Variants in GRK7 observed in about 807,000 individuals in gnomAD.
GRK7 encodes the protein rhodopsin kinase GRK7.
A neutral mutation model predicts 34.1 loss-of-function variants in GRK7; 24 were observed. The ratio of observed to expected loss-of-function variants is 0.70; its 90% CI spans 0.51 to 0.99. The LOEUF (loss-of-function observed/expected upper bound fraction) is 0.99. Ranked by LOEUF, GRK7 falls within the 50% of genes least tolerant of loss-of-function variation. GRK7 has a pLI of 0.00. For missense variants in GRK7, 644 were observed against 707.3 expected, an observed-to-expected ratio of 0.91 and a Z score of 1.02; for synonymous variants, 256 against 279.4, an observed-to-expected ratio of 0.92 and a Z score of 0.84.
intron 4 of GRK7, among the ~76,000 whole-genome samples, chr3:141,789,656 C>CAAGAAAAAAAAAAAAAAA (rs2084713774): frequency 8.4e-6 from 1 of 119,232 alleles, no homozygotes; most frequent in African/African-American, 3.5e-5. Flanking sequence ...GCCAAATGGG[C>CAAGAAAAAAAAAAAAAAA]AAAAAAAAAA....
chr3:141,801,375 G>A (rs1218683929), intron 4 of GRK7, among the ~76,000 whole-genome samples: 1 of 150,328 alleles, frequency 6.7e-6, no homozygotes, highest in Non-Finnish European at 1.5e-5. Context: ...TGACACCACA[G>A]GAATGCAGTC....
At chr3:141,790,004 T>G (rs2084716104) in intron 4 of GRK7, among the ~76,000 whole-genome samples, 1 of 152,158 alleles carries the variant, frequency 6.6e-6, no homozygotes, top group Admixed American at 6.5e-5. Flanking sequence ...CCTTATGTTT[T>G]TTTGTTTGTT....
In GRK7 at chr3:141,769,186, C is replaced by G. The variant is rs140123424; in HGVS notation, c.-215+3448C>G. Reference sequence around the variant, plus strand: ...AATTCTGCATGTTCCAAACTGAACACCTTCTTCCAGGTTTTCCCTGTCTTG... The same window carrying G: ...AATTCTGCATGTTCCAAACTGAACAGCTTCTTCCAGGTTTTCCCTGTCTTG... On this transcript the variant is annotated intron_variant, in intron 1 of 5. Coordinates refer to ENST00000682958, the MANE Select transcript of GRK7 (RefSeq NM_139209.3). 4.2e-3 allele frequency among the ~76,000 whole-genome samples: 640 copies of G among 152,280 alleles called. 9 individuals are homozygous for G. The highest frequency in any genetic ancestry group is 0.015 in the African/African-American group (615 of 41,546).
intron 4 of GRK7, among the ~76,000 whole-genome samples, chr3:141,781,949 TAC>T (rs970045458): frequency 1.3e-5 from 2 of 152,186 alleles, no homozygotes; most frequent in Non-Finnish European, 2.9e-5. Context: ...CTCATTTTTG[TAC>T]AGTTTTCAGC....
intron 4 of GRK7, among the ~76,000 whole-genome samples, chr3:141,795,643 C>T (rs934334313): frequency 1.3e-5 from 2 of 152,042 alleles, no homozygotes; most frequent in Non-Finnish European, 2.9e-5. Context: ...AGGGAAGTGA[C>T]AAAATCAATC....
In GRK7 at chr3:141,778,260, C is replaced by A. The variant is rs1345729555; in HGVS notation, c.-25C>A. The A allele has an allele frequency of 2.0e-6, 3 of 1,534,386 alleles. No homozygotes were observed. The highest frequency in any genetic ancestry group is 2.6e-6 in the Non-Finnish European group (3 of 1,140,452). On this transcript the variant is annotated 5_prime_UTR_variant, in exon 3 of 6. It adds an upstream start codon to the 5' untranslated region. Transcript: ENST00000682958. This position sits in a 1 kb window ranked among gnomAD's most constrained non-coding sequence, Gnocchi z 4.1. ...GCCCTCCAGCCCTCTTGTGCTTTCC[C>A]TGGGAGTGCGCCCCGTGCTCAGCCA...
intron 2 of GRK7, among the ~76,000 whole-genome samples, chr3:141,777,322 C>CT (rs770173065): frequency 0.079 from 4,195 of 52,836 alleles, 1,131 homozygotes; most frequent in Non-Finnish European, 0.11. Flanking sequence ...GATGGCCCCT[C>CT]TTTTTTTTTT....
chr3:141,781,665 G>A (rs184381671), intron 4 of GRK7, among the ~76,000 whole-genome samples: 2 of 152,236 alleles, frequency 1.3e-5, no homozygotes, highest in African/African-American at 4.8e-5. Flanking sequence ...TGGAATGGGC[G>A]AATGTTTTGC....
At chr3:141,801,227 C>T (rs111270887) in intron 4 of GRK7, among the ~76,000 whole-genome samples, 6,959 of 141,476 alleles carry the variant, frequency 0.049, 169 homozygotes, top group South Asian at 0.071. Context: ...AGGAGAATGG[C>T]GTGAACCTGG....
At chr3:141,804,108 T>C (rs1169617775) in intron 4 of GRK7, among the ~76,000 whole-genome samples, 1 of 152,184 alleles carries the variant, frequency 6.6e-6, no homozygotes, top group Non-Finnish European at 1.5e-5. Flanking sequence ...ATCCTCTCTA[T>C]CCATCCATGT....
At chr3:141,789,862 A>G (rs926553868) in intron 4 of GRK7, among the ~76,000 whole-genome samples, 6 of 152,152 alleles carry the variant, frequency 3.9e-5, no homozygotes, top group African/African-American at 1.4e-4. Flanking sequence ...TCTGAGCTCC[A>G]TTGTACAGGT....
intron 5 of GRK7, among the ~76,000 whole-genome samples, chr3:141,816,464 T>G (rs1261027327): frequency 6.6e-6 from 1 of 152,192 alleles, no homozygotes; most frequent in Non-Finnish European, 1.5e-5. Flanking sequence ...TGTCCAAAGC[T>G]TCACTGTTTA....
In GRK7 at chr3:141,778,826, T is replaced by C; in HGVS notation, c.542T>C (p.Phe181Ser). ...FYDKFLQWKL[F>S]EMQPVSDKYF... ...GACAAGTTTCTGCAGTGGAAACTCT[T>C]CGAGATGCAACCAGTGTCAGACAAG... Residue 181 changes from phenylalanine (F) to serine (S), a missense_variant, in exon 3 of 6, where the codon TTC (phenylalanine) becomes TCC (serine). By Grantham distance (155) the Phe-to-Ser change is radical. Coordinates refer to ENST00000682958, the MANE Select transcript of GRK7 (RefSeq NM_139209.3). This position sits in a 1 kb window ranked among gnomAD's most constrained non-coding sequence, Gnocchi z 4.1. 6.2e-7 allele frequency: 1 copy of C among 1,612,022 alleles called. No homozygotes were observed. The highest frequency in any genetic ancestry group is 1.7e-5 in the Admixed American group (1 of 59,608).
chr3:141,797,627 G>T (rs1287666868), intron 4 of GRK7, among the ~76,000 whole-genome samples: 1 of 152,102 alleles, frequency 6.6e-6, no homozygotes, highest in Non-Finnish European at 1.5e-5. Context: ...GACTGGATCT[G>T]GTTTGTGATG....
intron 4 of GRK7, among the ~76,000 whole-genome samples, chr3:141,786,331 A>G (rs1460419549): frequency 3.3e-5 from 5 of 152,212 alleles, no homozygotes; most frequent in African/African-American, 4.8e-5. Context: ...GGTATGGTAG[A>G]CAAAATTCTA....
chr3:141,792,760 A>G (rs536011644), intron 4 of GRK7, among the ~76,000 whole-genome samples: 2 of 152,234 alleles, frequency 1.3e-5, no homozygotes, highest in Non-Finnish European at 2.9e-5. Context: ...ATCTTTTTGT[A>G]TATTAATGAG....
chr3:141,759,073 T>C (rs2084544033), upstream of GRK7, among the ~76,000 whole-genome samples: 1 of 143,146 alleles, frequency 7.0e-6, no homozygotes, highest in South Asian at 2.5e-4. Flanking sequence ...AATGGGGTTT[T>C]CTAGATAAAC....
intron 4 of GRK7, among the ~76,000 whole-genome samples, chr3:141,800,699 CT>C: frequency 6.6e-6 from 1 of 152,280 alleles, no homozygotes. Flanking sequence ...AGAATACATA[CT>C]ATACTGTACC....
chr3:141,778,213 C>T lies in GRK7; in HGVS notation c.-72C>T, dbSNP rs1422635713. 9 of 1,506,756 alleles carry T rather than the reference C, an allele frequency of 6.0e-6. No individual in the cohort carries two copies. The highest frequency in any genetic ancestry group is 4.5e-5 in the Admixed American group (2 of 44,502). 93.3% of individuals were successfully genotyped at this position (1,506,756 alleles called of 1,614,324 possible). On this transcript the variant is annotated 5_prime_UTR_variant, in exon 3 of 6. Transcript: ENST00000682958. This position sits in a 1 kb window ranked among gnomAD's most constrained non-coding sequence, Gnocchi z 4.1. ...TAAATCCCTTGGACGTTGTCTCACC[C>T]GGGAAGGGAAAGCAGCCAGCAGCCC...
Sources: allele counts gnomAD v4.1 joint callset (sites outside exome capture counted in the v4.1 genomes callset), GRCh38; gene constraint gnomAD v4.1.1; non-coding constraint Gnocchi (gnomAD v3.1); transcripts MANE v1.5; gene names NCBI Gene and HGNC (gene_info 2026-07-23, HGNC 2026-07-21).